Variants in YTHDF2 observed in about 807,000 individuals in gnomAD.
YTHDF2 encodes the protein YTH domain-containing family protein 2.
Under a neutral mutation model 50.4 loss-of-function variants are expected in YTHDF2, and 2 were observed. The ratio of observed to expected loss-of-function variants is 0.04; its 90% CI spans 0.02 to 0.12. The LOEUF (loss-of-function observed/expected upper bound fraction) is 0.12, where lower values mean the gene tolerates loss of function less well. Ranked by LOEUF, YTHDF2 falls within the 10% of genes least tolerant of loss-of-function variation. The probability of loss-of-function intolerance (pLI) is 1.00; values close to 1 mark genes in which losing one functional copy is unlikely to be tolerated. For missense variants in YTHDF2, 483 were observed against 722.6 expected (o/e 0.67, Z 3.80); for synonymous variants, 217 against 255.6 (o/e 0.85, Z 1.44).
chr1:28,757,680 G>A (rs2088054129), intron 4 of YTHDF2, among the ~76,000 whole-genome samples: 1 of 152,148 alleles, frequency 6.6e-6, no homozygotes, highest in South Asian at 2.1e-4. Flanking sequence ...ATATTTGCAA[G>A]TTTTGCATTT....
rs894195277 is a variant in YTHDF2, at chr1:28,742,633, T to C, written c.363T>C (p.Gly121=). 2 of 1,613,990 alleles carry C rather than the reference T, an allele frequency of 1.2e-6. No homozygotes were observed. The highest frequency in any genetic ancestry group is 3.3e-5 in the Admixed American group (2 of 59,974). Residue 121 remains glycine (G), a synonymous_variant, in exon 4 of 5, where the codon GGT becomes GGC. Transcript: ENST00000373812. Reference sequence around the variant, plus strand: ...GCACTCCATTTCTTGGTCAGCATGGTTTTAATTTCTTTCCCAGTGGGATTG... The same window carrying C: ...GCACTCCATTTCTTGGTCAGCATGGCTTTAATTTCTTTCCCAGTGGGATTG... The part of the protein sequence containing the change: ...LGSTPFLGQH[G]FNFFPSGIDF...
At position 28,737,045 on chromosome 1, in the gene YTHDF2, AGACGGGGCTCATCTGCCGCCGCC is replaced by A. The variant is rs2087698652; in HGVS notation, c.-74_-52del. The A allele has an allele frequency of 6.5e-7, 1 of 1,537,664 alleles. No individual in the cohort carries two copies. Among genetic ancestry groups the A allele is most frequent in the South Asian group, 1.2e-5 (1 of 83,972 alleles). ...GACAAAAGCCTCCGCCTGCTCCCGC[AGACGGGGCTCATCTGCCGCCGCC>A]GCCGCGCTGAGGAGAGTTCGCCGCC... On this transcript the variant is annotated 5_prime_UTR_variant, in exon 1 of 5. Coordinates refer to ENST00000373812, the MANE Select transcript of YTHDF2 (RefSeq NM_016258.3).
chr1:28,761,913 A>G (rs1432828392), intron 4 of YTHDF2, among the ~76,000 whole-genome samples: 1 of 152,140 alleles, frequency 6.6e-6, no homozygotes, highest in Non-Finnish European at 1.5e-5. Flanking sequence ...TTGTCTCTTT[A>G]TCTGGGGGAA....
In YTHDF2 at chr1:28,742,656, T is replaced by C. The variant is rs773823654; in HGVS notation, c.386T>C (p.Ile129Thr). ...QHGFNFFPSG[I>T]DFSAWGNNSS... ...GGTTTTAATTTCTTTCCCAGTGGGA[T>C]TGACTTCTCAGCATGGGGAAATAAC... Residue 129 changes from isoleucine (I) to threonine (T), a missense_variant, in exon 4 of 5, where the codon ATT becomes ACT. Ile to Thr is a moderately conservative substitution (Grantham distance 89). Transcript: ENST00000373812. The C allele has an allele frequency of 3.1e-6, 5 of 1,614,154 alleles. No individual in the cohort carries two copies. The highest frequency in any genetic ancestry group is 1.3e-5 in the African/African-American group (1 of 75,044).
chr1:28,766,304 C>T (rs2088214844), intron 4 of YTHDF2, among the ~76,000 whole-genome samples: 1 of 152,034 alleles, frequency 6.6e-6, no homozygotes, highest in Non-Finnish European at 1.5e-5. Flanking sequence ...TAATGTAAGA[C>T]AAGGGCTTTG....
chr1:28,766,456 C>G (rs746740782), intron 4 of YTHDF2, among the ~76,000 whole-genome samples: 7 of 152,270 alleles, frequency 4.6e-5, no homozygotes, highest in Non-Finnish European at 5.9e-5. Context: ...TCTGTCTTCA[C>G]TGGTTTCAAG....
intron 4 of YTHDF2, among the ~76,000 whole-genome samples, chr1:28,758,657 A>AGT (rs1319104959): frequency 2.0e-5 from 3 of 152,240 alleles, no homozygotes; most frequent in African/African-American, 4.8e-5. Context: ...GGTTATCATA[A>AGT]GTAGGACCGT....
At chr1:28,747,708 A>G (rs1441336691) in intron 4 of YTHDF2, among the ~76,000 whole-genome samples, 1 of 147,118 alleles carries the variant, frequency 6.8e-6, no homozygotes, top group Non-Finnish European at 1.5e-5. Context: ...GTGAGCCACC[A>G]CGCCCAGCCC....
chr1:28,758,603 G>A (rs2088068359), intron 4 of YTHDF2, among the ~76,000 whole-genome samples: 1 of 152,178 alleles, frequency 6.6e-6, no homozygotes, highest in Non-Finnish European at 1.5e-5. Flanking sequence ...CAGGCAGCAG[G>A]AATAAGGAAG....
At chr1:28,748,758 C>T (rs773788918) in intron 4 of YTHDF2, among the ~76,000 whole-genome samples, 2 of 152,144 alleles carry the variant, frequency 1.3e-5, no homozygotes, top group Non-Finnish European at 2.9e-5. Flanking sequence ...TATTGTGTGA[C>T]CTTTCTGCGT....
intron 4 of YTHDF2, 74 bp from the exon 5 acceptor site, chr1:28,768,855 C>T: frequency 8.8e-7 from 1 of 1,138,552 alleles, no homozygotes. Context: ...TTGAGTTATT[C>T]TGTGAAGTTT....
intron 4 of YTHDF2, among the ~76,000 whole-genome samples, chr1:28,747,996 TG>T (rs1489648831): frequency 7.2e-6 from 1 of 138,042 alleles, no homozygotes; most frequent in Non-Finnish European, 1.6e-5. Context: ...GGTGTGATGG[TG>T]GGCTCCTGTA....
chr1:28,767,130 A>G (rs138128443), intron 4 of YTHDF2, among the ~76,000 whole-genome samples: 47 of 151,710 alleles, frequency 3.1e-4, no homozygotes, highest in African/African-American at 1.0e-3. Context: ...GGTGTGAGCC[A>G]CCACTTCTGG....
intron 4 of YTHDF2, among the ~76,000 whole-genome samples, chr1:28,747,757 C>T (rs566514202): frequency 1.3e-5 from 2 of 151,472 alleles, no homozygotes; most frequent in Non-Finnish European, 1.5e-5. Flanking sequence ...AGTTCTCAGC[C>T]GGTGAGCAAA....
chr1:28,762,984 G>A (rs998173750), intron 4 of YTHDF2, among the ~76,000 whole-genome samples: 14 of 152,034 alleles, frequency 9.2e-5, no homozygotes, highest in Admixed American at 7.2e-4. Flanking sequence ...GTGCCACCAC[G>A]CTTGGCTAAT....
chr1:28,737,357 G>GGCCGC (rs1416570315), intron 1 of YTHDF2: 4 of 670,774 alleles, frequency 6.0e-6, no homozygotes, highest in Admixed American at 7.2e-5. Flanking sequence ...CCACGGGCCG[G>GGCCGC]GCCGCGCCGC....
At chr1:28,768,090 A>G (rs2088246319) in intron 4 of YTHDF2, among the ~76,000 whole-genome samples, 1 of 151,610 alleles carries the variant, frequency 6.6e-6, no homozygotes, top group Admixed American at 6.6e-5. Flanking sequence ...AATCCCAGCT[A>G]CTCAGGAGGC....
chr1:28,767,878 A>G (rs2088242317), intron 4 of YTHDF2, among the ~76,000 whole-genome samples: 1 of 145,012 alleles, frequency 6.9e-6, no homozygotes, highest in African/African-American at 2.6e-5. Flanking sequence ...TGACCTCATG[A>G]TCCACCTGCC....
intron 4 of YTHDF2, among the ~76,000 whole-genome samples, chr1:28,768,002 A>G (rs1183101325): frequency 3.4e-5 from 5 of 147,444 alleles, no homozygotes; most frequent in African/African-American, 1.2e-4. Context: ...GGAGTTCGAG[A>G]CCAGCCTGGC....
Sources: gnomAD v4.1 joint callset for allele counts (sites outside exome capture counted in the v4.1 genomes callset) on GRCh38, gnomAD v4.1.1 for gene constraint, MANE v1.5 for transcripts, NCBI Gene and HGNC (gene_info 2026-07-23, HGNC 2026-07-21) for gene names.